PRR7: variants seen among roughly 807,000 people sequenced by gnomAD.
PRR7 encodes the protein proline-rich protein 7.
A neutral mutation model predicts 18.5 loss-of-function variants in PRR7; 8 were observed. That is an observed-to-expected ratio of 0.43 (90% CI 0.25 to 0.78). PRR7 has a LOEUF of 0.78. PRR7 is among the 30% of genes least tolerant of loss of function. PRR7 has a pLI of 0.22. For synonymous variants in PRR7, 221 were observed against 187.7 expected (o/e 1.18, Z -1.45); for missense variants, 396 against 403.1 (o/e 0.98, Z 0.15).
At chr5:177,448,996 G>A (rs538123659) in intron 1 of PRR7, among the ~76,000 whole-genome samples, 18 of 152,326 alleles carry the variant, frequency 1.2e-4, no homozygotes, top group East Asian at 9.6e-4. Context: ...TGAGTGAGGC[G>A]GGCCAGGGAG....
rs1443016590 is a variant in PRR7, at chr5:177,449,167, C to T, written c.-325+2207C>T. Among the ~76,000 whole-genome samples, 1 of 152,220 alleles carries T rather than the reference C, an allele frequency of 6.6e-6. No individual in the cohort carries two copies. Among genetic ancestry groups the T allele is most frequent in the Non-Finnish European group, 1.5e-5 (1 of 68,038 alleles). On this transcript the variant is annotated intron_variant, in intron 1 of 3. Transcript: ENST00000323249. This position sits in a 1 kb window ranked among gnomAD's most constrained non-coding sequence, Gnocchi z 4.2. Reference sequence around the variant, plus strand: ...AATGTTTTTAAAAATGGATTGTGAACATGGATTGTTTTTAAAACATGTCTG... The same window carrying T: ...AATGTTTTTAAAAATGGATTGTGAATATGGATTGTTTTTAAAACATGTCTG...
rs373595024 is a variant in PRR7, at chr5:177,455,056, C to T, written c.-12C>T. ...GTGAAGCGTCTGAGGACCCGCCGCC[C>T]GTGCCGCCGCCATGGTGATGTCCCA... is the stretch of plus-strand genomic sequence containing the variant. On this transcript the variant is annotated 5_prime_UTR_variant, in exon 3 of 4. Transcript: ENST00000323249. The surrounding 1 kb of genome is among the most constrained non-coding windows in gnomAD (Gnocchi z 6.9). 2.8e-5 allele frequency: 41 copies of T among 1,449,966 alleles called. No homozygotes were observed. The highest frequency in any genetic ancestry group is 3.5e-5 in the Non-Finnish European group (39 of 1,101,582). The allele number at this position is 1,449,966 out of a possible 1,614,324, so 89.8% of individuals were successfully genotyped here. A position where few individuals can be genotyped will look rare whatever the true frequency, so the allele number is the denominator to read the frequency against.
rs746856768 is a variant in PRR7 at position 177,455,878 on chromosome 5, G to A, written c.582G>A (p.Gln194=). The change falls in exon 4 of 4, where the codon CAG becomes CAA. Residue 194 remains glutamine (Q), a synonymous_variant. Coordinates refer to ENST00000323249, the MANE Select transcript of PRR7 (RefSeq NM_030567.5). The surrounding 1 kb of genome is among the most constrained non-coding windows in gnomAD (Gnocchi z 6.9). ...GTCGCCGCGACAGCGCGGAGAAGCA[G>A]GAGCAGCCGCCTCCCAGCTACAAGC... The part of the protein sequence containing the change: ...FLSRRDSAEK[Q]EQPPPSYKPL... 8 of 1,610,890 alleles carry A rather than the reference G, an allele frequency of 5.0e-6. No individual in the cohort carries two copies. In the South Asian group the frequency reaches 8.8e-5, roughly 18 times the overall value.
intron 1 of PRR7, among the ~76,000 whole-genome samples, chr5:177,453,003 T>C (rs1055546456): frequency 7.9e-5 from 12 of 152,190 alleles, no homozygotes; most frequent in African/African-American, 2.9e-4. Context: ...GCCACTTACA[T>C]CTGGCACAGA....
In PRR7 at chr5:177,455,550, T is replaced by C; in HGVS notation, c.427+56T>C. 7.0e-7 allele frequency: 1 copy of C among 1,434,600 alleles called. No individual in the cohort carries two copies. The allele number at this position is 1,434,600 out of a possible 1,614,324, so 88.9% of individuals were successfully genotyped here. ...CGGGCCGCCGGAAGTGGGCGGGCGT[T>C]GGAGGGCTCGCTGCTTACCCTCAGG... On this transcript the variant is annotated intron_variant, in intron 3 of 3. Coordinates refer to ENST00000323249, the MANE Select transcript of PRR7 (RefSeq NM_030567.5). The surrounding 1 kb of genome is among the most constrained non-coding windows in gnomAD (Gnocchi z 6.9).
chr5:177,446,394 C>A (rs1755879397), upstream of PRR7: 1 of 152,506 alleles, frequency 6.6e-6, no homozygotes, highest in African/African-American at 2.4e-5. The surrounding 1 kb of genome is among the most constrained non-coding windows in gnomAD (Gnocchi z 5.3). Context: ...GGGTGCCTGC[C>A]TGCTCGGGGG....
At position 177,455,696 on chromosome 5, in the gene PRR7, C is replaced by T; in HGVS notation, c.428-28C>T. The T allele has an allele frequency of 6.5e-7, 1 of 1,536,552 alleles. No individual in the cohort carries two copies. The highest frequency in any genetic ancestry group is 8.8e-7 in the Non-Finnish European group (1 of 1,138,148). On this transcript the variant is annotated intron_variant, in intron 3 of 3. Coordinates refer to ENST00000323249, the MANE Select transcript of PRR7 (RefSeq NM_030567.5). The surrounding 1 kb of genome is among the most constrained non-coding windows in gnomAD (Gnocchi z 6.9). ...GAGAGGCTGGGAACCGGCGGCCTCA[C>T]CTCCTCCGACCGCCTCCCACTCCGC... is the stretch of plus-strand genomic sequence containing the variant.
intron 1 of PRR7, 71 bp downstream of exon 1, chr5:177,447,031 C>T (rs1232723510): frequency 6.6e-6 from 1 of 151,880 alleles, no homozygotes; most frequent in East Asian, 1.9e-4. Flanking sequence ...GGACTGAGCC[C>T]TTCCCCGCGG....
upstream of PRR7, chr5:177,446,258 A>C (rs1204167743): frequency 1.3e-5 from 2 of 152,316 alleles, no homozygotes; most frequent in Non-Finnish European, 2.9e-5. The surrounding 1 kb of genome is among the most constrained non-coding windows in gnomAD (Gnocchi z 5.3). Context: ...AGGCATGTCC[A>C]CGGAGGCCAG....
In PRR7 at chr5:177,455,647, G is replaced by A. The variant is rs1756389076; in HGVS notation, c.428-77G>A. 18 of 1,426,132 alleles carry A rather than the reference G, an allele frequency of 1.3e-5. No individual in the cohort carries two copies. The East Asian group carries it at 4.7e-4, about 38-fold the overall frequency. 88.3% of individuals were successfully genotyped at this position (1,426,132 alleles called of 1,614,324 possible). A position where few individuals can be genotyped will look rare whatever the true frequency, so the allele number is the denominator to read the frequency against. Reference sequence around the variant, plus strand: ...GGTTCGGGCTAGGGCTGGGGCGCGGGCGGCCCCTGGCCGGGGCCTCTGCGA... The same window carrying A: ...GGTTCGGGCTAGGGCTGGGGCGCGGACGGCCCCTGGCCGGGGCCTCTGCGA... On this transcript the variant is annotated intron_variant, in intron 3 of 3. Coordinates refer to ENST00000323249, the MANE Select transcript of PRR7 (RefSeq NM_030567.5). This position sits in a 1 kb window ranked among gnomAD's most constrained non-coding sequence, Gnocchi z 6.9.
rs758970251 is a variant in PRR7, at chr5:177,456,149, C to T, written c.*28C>T. ...GGGCGCCCGGCGCCCCGGGCCCCAC[C>T]GGCGGACTCCTGGCCTGACTGCGGG... On this transcript the variant is annotated 3_prime_UTR_variant, in exon 4 of 4. Transcript: ENST00000323249. 31 of 1,419,176 alleles carry T rather than the reference C, an allele frequency of 2.2e-5. No homozygotes were observed. Among genetic ancestry groups the T allele is most frequent in the Non-Finnish European group, 2.8e-5 (31 of 1,093,592 alleles). The allele number at this position is 1,419,176 out of a possible 1,614,324, so 87.9% of individuals were successfully genotyped here.
At position 177,456,182 on chromosome 5, in the gene PRR7, A is replaced by C; in HGVS notation, c.*61A>C. ...TCCTGGCCTGACTGCGGGGCTTTTT[A>C]AATGCTTCCCTGGACTGCGGGGAGG... On this transcript the variant is annotated 3_prime_UTR_variant, in exon 4 of 4. Transcript: ENST00000323249. 8.4e-7 allele frequency: 1 copy of C among 1,193,982 alleles called. No individual in the cohort carries two copies. The highest frequency in any genetic ancestry group is 1.7e-5 in the African/African-American group (1 of 60,548). 74.0% of individuals were successfully genotyped at this position (1,193,982 alleles called of 1,614,324 possible).
chr5:177,451,435 G>A (rs834569), intron 1 of PRR7, among the ~76,000 whole-genome samples: 1,266 of 16,568 alleles, frequency 0.076, 68 homozygotes, highest in Non-Finnish European at 0.099. Context: ...AGCCTGCTTC[G>A]GAGAGTGAGT....
In PRR7 at chr5:177,455,577, C is replaced by G. The variant is rs1326539465; in HGVS notation, c.427+83C>G. 15 of 1,412,196 alleles carry G rather than the reference C, an allele frequency of 1.1e-5. No individual in the cohort carries two copies. 87.5% of individuals were successfully genotyped at this position (1,412,196 alleles called of 1,614,324 possible). A position where few individuals can be genotyped will look rare whatever the true frequency, so the allele number is the denominator to read the frequency against. On this transcript the variant is annotated intron_variant, in intron 3 of 3. Coordinates refer to ENST00000323249, the MANE Select transcript of PRR7 (RefSeq NM_030567.5). The surrounding 1 kb of genome is among the most constrained non-coding windows in gnomAD (Gnocchi z 6.9). ...GAGGGCTCGCTGCTTACCCTCAGGG[C>G]TTCCATCCGCAGCCTCCGGGAGAAC...
chr5:177,455,393 C>A lies in PRR7; in HGVS notation c.326C>A (p.Pro109Gln). 6.7e-7 allele frequency: 1 copy of A among 1,493,758 alleles called. No homozygotes were observed. The highest frequency in any genetic ancestry group is 8.9e-7 in the Non-Finnish European group (1 of 1,127,996). The allele number at this position is 1,493,758 out of a possible 1,614,324, so 92.5% of individuals were successfully genotyped here. A position where few individuals can be genotyped will look rare whatever the true frequency, so the allele number is the denominator to read the frequency against. ...HPLLHHGPAQPHAHAHPHPHH... is the reference protein window; with the variant it reads ...HPLLHHGPAQQHAHAHPHPHH... ...CTGCTGCACCACGGGCCCGCGCAGC[C>A]GCACGCGCACGCGCACCCACACCCG... Residue 109 changes from proline to glutamine, a missense_variant, in exon 3 of 4, where the codon CCG becomes CAG. Pro to Gln is a moderately conservative substitution (Grantham distance 76). Transcript: ENST00000323249. The surrounding 1 kb of genome is among the most constrained non-coding windows in gnomAD (Gnocchi z 6.9).
At position 177,455,435 on chromosome 5, in the gene PRR7, C is replaced by T. The variant is rs987268548; in HGVS notation, c.368C>T (p.Pro123Leu). ...AHPHPHHHAL[P>L]HPPPTHLSVP... ...CCACACCCGCACCACCACGCGCTCC[C>T]GCACCCGCCGCCTACGCACCTGTCG... The change falls in exon 3 of 4, where the codon CCG becomes CTG. Residue 123 changes from proline (P) to leucine (L), a missense_variant. Transcript: ENST00000323249. This position sits in a 1 kb window ranked among gnomAD's most constrained non-coding sequence, Gnocchi z 6.9. 3 of 1,506,718 alleles carry T rather than the reference C, an allele frequency of 2.0e-6. No homozygotes were observed. The highest frequency in any genetic ancestry group is 2.9e-5 in the African/African-American group (2 of 68,922). 93.3% of individuals were successfully genotyped at this position (1,506,718 alleles called of 1,614,324 possible).
intron 1 of PRR7, among the ~76,000 whole-genome samples, chr5:177,451,098 T>C (rs1756151159): frequency 6.6e-6 from 1 of 152,232 alleles, no homozygotes; most frequent in African/African-American, 2.4e-5. Context: ...AATGCCACCC[T>C]GCAGAGGATG....
intron 1 of PRR7, among the ~76,000 whole-genome samples, chr5:177,452,093 T>A (rs906038224): frequency 3.9e-5 from 6 of 152,106 alleles, no homozygotes; most frequent in African/African-American, 1.4e-4. Flanking sequence ...GCACTACAGA[T>A]AAATCAAGAT....
upstream of PRR7, chr5:177,445,995 G>C (rs1197642427): frequency 2.2e-5 from 1 of 46,124 alleles, no homozygotes; most frequent in Admixed American, 1.8e-4. Flanking sequence ...TTTTTTTTTG[G>C]TAGAGACGGG....
Sources: gnomAD v4.1 joint callset for allele counts (sites outside exome capture counted in the v4.1 genomes callset) on GRCh38, gnomAD v4.1.1 for gene constraint, Gnocchi (gnomAD v3.1) non-coding constraint, MANE v1.5 for transcripts, NCBI Gene and HGNC (gene_info 2026-07-23, HGNC 2026-07-21) for gene names.